The following DMWD variants were observed in gnomAD, a reference collection of about 807,000 sequenced individuals.
The protein encoded by DMWD is DM1 locus, WD repeat containing, also known as dystrophia myotonica WD repeat-containing protein.
Under a neutral mutation model 45.8 loss-of-function variants are expected in DMWD, and 19 were observed. That is an observed-to-expected ratio of 0.41 (90% CI 0.29 to 0.61). DMWD has a LOEUF of 0.61. DMWD is among the 20% of genes least tolerant of loss of function. The probability of loss-of-function intolerance (pLI) is 0.25; values close to 1 mark genes in which losing one functional copy is unlikely to be tolerated. For missense variants in DMWD, 802 were observed against 965.2 expected (o/e 0.83, Z 2.24); for synonymous variants, 515 against 440.5 (o/e 1.17, Z -2.12).
Position 45,783,538 on chromosome 19 carries a change from T to G in DMWD, c.*705A>C, listed in dbSNP as rs1970213624. ...GAGGGTCCTGCTCCAGCCGCTGGTG[T>G]GGGTCACCAGTTGTGTGACTCGCAG... On this transcript the variant is annotated 3_prime_UTR_variant, in exon 5 of 5. Transcript: ENST00000270223. 1 of 398,576 alleles carries G rather than the reference T, an allele frequency of 2.5e-6. No homozygotes were observed. The highest frequency in any genetic ancestry group is 4.4e-6 in the Non-Finnish European group (1 of 226,098). 24.7% of individuals were successfully genotyped at this position (398,576 alleles called of 1,614,324 possible).
In DMWD at chr19:45,783,062, G is replaced by A. The variant is rs147612614; in HGVS notation, c.*1181C>T. The A allele has an allele frequency of 6.9e-6, 1 of 145,530 alleles. No homozygotes were observed. Among genetic ancestry groups the A allele is most frequent in the Non-Finnish European group, 1.5e-5 (1 of 67,294 alleles). 9.0% of individuals were successfully genotyped at this position (145,530 alleles called of 1,614,324 possible). On this transcript the variant is annotated 3_prime_UTR_variant, in exon 5 of 5. Transcript: ENST00000270223. ...ACAGGACCAGGAGGGGGCACCCTCA[G>A]AGCCTGAACAGGGGTGACCTGCTGC...
chr19:45,786,146 G>A lies in DMWD; in HGVS notation c.1350C>T (p.Leu450=). 6.4e-7 allele frequency: 1 copy of A among 1,556,614 alleles called. No homozygotes were observed. Among genetic ancestry groups the A allele is most frequent in the East Asian group, 2.4e-5 (1 of 42,300 alleles). The change falls in exon 3 of 5, where the codon CTC becomes CTT. Residue 450 remains leucine (L), a synonymous_variant. Transcript: ENST00000270223. Reference sequence around the variant, plus strand: ...TGCGGGCCAGGGGGGGGTGCGGGTAGAGCACGTCTTCAGTGAGGTCCCACA... The same window carrying A: ...TGCGGGCCAGGGGGGGGTGCGGGTAAAGCACGTCTTCAGTGAGGTCCCACA... ...FCLWDLTEDV[L]YPHPPLARTR...
intron 2 of DMWD, among the ~76,000 whole-genome samples, chr19:45,788,427 C>A (rs1305222749): frequency 6.6e-6 from 1 of 152,238 alleles, no homozygotes; most frequent in Non-Finnish European, 1.5e-5. Flanking sequence ...CCTTCCAGGG[C>A]TCAGGTGAGC....
At chr19:45,784,458 G>A in intron 4 of DMWD, 168 bp from the exon 5 acceptor site, 2 of 1,278,018 alleles carry the variant, frequency 1.6e-6, no homozygotes, top group South Asian at 1.5e-5. Context: ...CTGGGAACTT[G>A]CATCTTAGCT....
Position 45,786,362 on chromosome 19 carries a change from G to A in DMWD, c.1134C>T (p.Pro378=), listed in dbSNP as rs1367734091. The A allele has an allele frequency of 1.2e-6, 2 of 1,612,038 alleles. No individual in the cohort carries two copies. The highest frequency in any genetic ancestry group is 2.2e-5 in the East Asian group (1 of 44,808). ...CCGCCTCCTCTGCCCTTGTGGTGTA[G>A]GGGTCAAAGGCCACAGCGTTGACCC... is the stretch of plus-strand genomic sequence containing the variant. The part of the protein sequence containing the change: ...KSWVNAVAFD[P]YTTRAEEAAT... The change falls in exon 3 of 5, where the codon CCC becomes CCT. Residue 378 remains proline (P), a synonymous_variant. Transcript: ENST00000270223.
chr19:45,786,508 G>A lies in DMWD; in HGVS notation c.988C>T (p.Leu330=). ...CCGTCAGGGCTCCAGCACACACACA[G>A]CAGGCCCCCAAAGTAGCTCTTCATG... The part of the protein sequence containing the change: ...GLMKSYFGGL[L]CVCWSPDGRY... Residue 330 remains leucine (L), a synonymous_variant, in exon 3 of 5, where the codon CTG becomes TTG. Transcript: ENST00000270223. 6.2e-7 allele frequency: 1 copy of A among 1,614,004 alleles called. No individual in the cohort carries two copies. Among genetic ancestry groups the A allele is most frequent in the Non-Finnish European group, 8.5e-7 (1 of 1,179,910 alleles).
chr19:45,786,956 C>G, intron 2 of DMWD, 85 bp from the exon 3 acceptor site: 1 of 1,526,368 alleles, frequency 6.6e-7, no homozygotes, highest in Non-Finnish European at 8.8e-7. Context: ...CCAAGAAGGC[C>G]GTTGGACATG....
At chr19:45,785,400 G>A in intron 3 of DMWD, 194 bp downstream of exon 3, 1 of 1,258,230 alleles carries the variant, frequency 7.9e-7, no homozygotes, top group Non-Finnish European at 1.0e-6. Context: ...TCTGCTGCCT[G>A]CTGCCTAGGG....
Position 45,783,340 on chromosome 19 carries a change from T to G in DMWD, c.*903A>C. ...TGGAAGTCGGGGCCTCCAACCGGCCTGGGGTGCCTGGGCCTTGAGAGGGCC... is the reference window on the plus strand; with the variant it reads ...TGGAAGTCGGGGCCTCCAACCGGCCGGGGGTGCCTGGGCCTTGAGAGGGCC... On this transcript the variant is annotated 3_prime_UTR_variant, in exon 5 of 5. Transcript: ENST00000270223. The G allele has an allele frequency of 2.6e-6, 1 of 379,572 alleles. No individual in the cohort carries two copies. Among genetic ancestry groups the G allele is most frequent in the Non-Finnish European group, 4.7e-6 (1 of 214,402 alleles). The allele number at this position is 379,572 out of a possible 1,614,324, so 23.5% of individuals were successfully genotyped here.
intron 2 of DMWD, among the ~76,000 whole-genome samples, chr19:45,787,961 T>C (rs1335727894): frequency 6.6e-6 from 1 of 152,104 alleles, no homozygotes; most frequent in Non-Finnish European, 1.5e-5. Flanking sequence ...GCGCCTATAG[T>C]CCCAGCTACT....
chr19:45,785,430 G>A (rs1970256755), intron 3 of DMWD, 164 bp downstream of exon 3: 2 of 1,346,956 alleles, frequency 1.5e-6, no homozygotes, highest in South Asian at 4.1e-5. Flanking sequence ...CTCACTCTAA[G>A]GATCTGAGAG....
At chr19:45,788,090 A>C (rs1192140695) in intron 2 of DMWD, among the ~76,000 whole-genome samples, 1 of 152,034 alleles carries the variant, frequency 6.6e-6, no homozygotes, top group Non-Finnish European at 1.5e-5. Context: ...ATAAAAAAAA[A>C]AGAAAAAATA....
At chr19:45,784,390 G>A (rs2146270171) in intron 4 of DMWD, 100 bp from the exon 5 acceptor site, 1 of 1,342,312 alleles carries the variant, frequency 7.4e-7, no homozygotes, top group Non-Finnish European at 1.0e-6. Flanking sequence ...CAAAGCTGCT[G>A]CCACCCTGGC....
Position 45,786,721 on chromosome 19 carries a change from G to A in DMWD, c.775C>T (p.Gln259Ter). 6.2e-7 allele frequency: 1 copy of A among 1,613,216 alleles called. No homozygotes were observed. Among genetic ancestry groups the A allele is most frequent in the Non-Finnish European group, 8.5e-7 (1 of 1,179,284 alleles). ...SAPPQYSLLK[Q>*]GEGFSVYAAK... is the part of the protein sequence containing the mutation. ...GCATAGACAGAGAAGCCCTCGCCCT[G>A]CTTCAGCAGGCTGTACTGGGGCGGG... The change falls in exon 3 of 5, where the codon CAG (glutamine) becomes TAG (stop). Residue 259 changes from glutamine to a stop codon, truncating the protein, a stop_gained. Transcript: ENST00000270223. LOFTEE classifies it high-confidence loss of function.
At chr19:45,788,238 C>T (rs1381144638) in intron 2 of DMWD, among the ~76,000 whole-genome samples, 1 of 152,220 alleles carries the variant, frequency 6.6e-6, no homozygotes, top group African/African-American at 2.4e-5. Context: ...GAAGTATCAG[C>T]CAGCACCTGG....
rs1199774333 is a variant in DMWD, at chr19:45,786,306, C to T, written c.1190G>A (p.Ser397Asn). Reference protein sequence around the residue: ...ATAAGADGERSGEEEEEEPEA... With the variant: ...ATAAGADGERNGEEEEEEPEA... ...GGGCTCCTCCTCCTCCTCTTCGCCG[C>T]TCCGCTCCCCATCAGCACCGGCTGC... is the stretch of plus-strand genomic sequence containing the variant. Residue 397 changes from serine to asparagine, a missense_variant, in exon 3 of 5, where the codon AGC becomes AAC. Coordinates refer to ENST00000270223, the MANE Select transcript of DMWD (RefSeq NM_004943.2). 1.2e-6 allele frequency: 2 copies of T among 1,606,556 alleles called. No individual in the cohort carries two copies. Among genetic ancestry groups the T allele is most frequent in the Admixed American group, 1.7e-5 (1 of 59,744 alleles).
chr19:45,785,416 C>T (rs1395403429), intron 3 of DMWD, 178 bp downstream of exon 3: 54 of 1,313,478 alleles, frequency 4.1e-5, no homozygotes, highest in South Asian at 1.5e-4. Context: ...TAGGGCTAGA[C>T]CCCCTCACTC....
intron 2 of DMWD, chr19:45,787,073 C>G: frequency 1.0e-6 from 1 of 981,910 alleles, no homozygotes; most frequent in African/African-American, 1.6e-5. Flanking sequence ...CATGGGGAAA[C>G]AGAGGCTGCT....
At chr19:45,788,834 T>C (rs1003044652) in intron 2 of DMWD, among the ~76,000 whole-genome samples, 1 of 151,238 alleles carries the variant, frequency 6.6e-6, no homozygotes, top group African/African-American at 2.4e-5. Context: ...GAGGCTGATA[T>C]GGGAGGACTG....
Sources: gnomAD v4.1 joint callset for allele counts (sites outside exome capture counted in the v4.1 genomes callset) on GRCh38, gnomAD v4.1.1 for gene constraint, MANE v1.5 for transcripts, NCBI Gene and HGNC (gene_info 2026-07-23, HGNC 2026-07-21) for gene names.